NAALADL2: variants seen among roughly 807,000 people sequenced by gnomAD.
NAALADL2 encodes the protein inactive N-acetylated-alpha-linked acidic dipeptidase-like protein 2.
A neutral mutation model predicts 87.2 loss-of-function variants in NAALADL2; 76 were observed. The ratio of observed to expected loss-of-function variants is 0.87; its 90% CI spans 0.72 to 1.05. The LOEUF (loss-of-function observed/expected upper bound fraction) is 1.05, where lower values mean the gene tolerates loss of function less well. Among genes scored for constraint, NAALADL2 ranks in the 50% least tolerant of loss-of-function variants. The probability of loss-of-function intolerance (pLI) is 0.00; values close to 1 mark genes in which losing one functional copy is unlikely to be tolerated. For synonymous variants in NAALADL2, 354 were observed against 331.0 expected (o/e 1.07, Z -0.75); for missense variants, 1,089 against 945.8 (o/e 1.15, Z -1.99).
chr3:175,623,396 G>C (rs1010503595), intron 10 of NAALADL2, among the ~76,000 whole-genome samples: 10 of 152,130 alleles, frequency 6.6e-5, no homozygotes, highest in Non-Finnish European at 8.8e-5. Flanking sequence ...AAAATCTTGA[G>C]GTCTGCTCTT....
Position 175,282,364 on chromosome 3 carries a change from A to G in NAALADL2, c.939+25834A>G, listed in dbSNP as rs537879384. Among the ~76,000 whole-genome samples, 42 of 152,220 alleles carry G rather than the reference A, an allele frequency of 2.8e-4. No homozygotes were observed. The South Asian group carries it at 5.2e-3, about 19-fold the overall frequency. On this transcript the variant is annotated intron_variant, in intron 4 of 13. Transcript: ENST00000454872. ...CTTTGTCTGCTTTAAAGAACACTTA[A>G]CAGACTACAGCTATATAGGTGTTCT...
intron 1 of NAALADL2, among the ~76,000 whole-genome samples, chr3:174,494,761 G>A (rs114103460): frequency 0.04 from 6,104 of 152,214 alleles, 162 homozygotes; most frequent in Non-Finnish European, 0.06. Flanking sequence ...ATTATTCATT[G>A]GATGTTTTAG....
chr3:174,952,242 T>G (rs148274460), intron 1 of NAALADL2, among the ~76,000 whole-genome samples: 24 of 152,296 alleles, frequency 1.6e-4, no homozygotes, highest in Admixed American at 4.6e-4. Flanking sequence ...AAGTAGGTTG[T>G]CTTATATTTT....
chr3:174,933,220 A>G (rs1326027251), intron 1 of NAALADL2, among the ~76,000 whole-genome samples: 2 of 152,230 alleles, frequency 1.3e-5, no homozygotes, highest in Non-Finnish European at 2.9e-5. Flanking sequence ...TGAATAATAA[A>G]GTAGCTTCTC....
chr3:174,825,099 G>A (rs2109345270), intron 3 of NAALADL2, among the ~76,000 whole-genome samples: 1 of 152,170 alleles, frequency 6.6e-6, no homozygotes, highest in East Asian at 1.9e-4. Flanking sequence ...TTATTTTCCA[G>A]AAAAATAGAA....
At chr3:175,068,235 T>A (rs1714913867) in intron 1 of NAALADL2, among the ~76,000 whole-genome samples, 1 of 152,062 alleles carries the variant, frequency 6.6e-6, no homozygotes, top group African/African-American at 2.4e-5. Context: ...TACCCCTGAA[T>A]CTAAAAGAAA....
At chr3:175,076,970 C>T (rs1716723532) in intron 1 of NAALADL2, among the ~76,000 whole-genome samples, 1 of 152,110 alleles carries the variant, frequency 6.6e-6, no homozygotes, top group Non-Finnish European at 1.5e-5. Context: ...TACATAATAA[C>T]ATATGATGAC....
chr3:175,618,027 T>C (rs1368459553), intron 10 of NAALADL2, among the ~76,000 whole-genome samples: 2 of 152,188 alleles, frequency 1.3e-5, no homozygotes, highest in African/African-American at 2.4e-5. Flanking sequence ...CTTGGCACTA[T>C]ATGAGATAAA....
chr3:175,698,435 A>T (rs188925619), intron 11 of NAALADL2, among the ~76,000 whole-genome samples: 2,050 of 129,956 alleles, frequency 0.016, 309 homozygotes, highest in Non-Finnish European at 0.024. Flanking sequence ...GTATGTGTAT[A>T]TATTTATGTA....
At chr3:174,768,968 G>A (rs1206445273) in intron 3 of NAALADL2, among the ~76,000 whole-genome samples, 1 of 151,472 alleles carries the variant, frequency 6.6e-6, no homozygotes, top group Non-Finnish European at 1.5e-5. Flanking sequence ...TTATCGCTAT[G>A]GGTTGCTTTT....
chr3:175,407,748 T>C (rs746279069), intron 5 of NAALADL2, among the ~76,000 whole-genome samples: 1 of 152,168 alleles, frequency 6.6e-6, no homozygotes, highest in Non-Finnish European at 1.5e-5. Context: ...TCAGGATGCA[T>C]GAAACTGGGT....
intron 3 of NAALADL2, among the ~76,000 whole-genome samples, chr3:174,762,183 G>A (rs945164184): frequency 2.0e-5 from 3 of 148,136 alleles, no homozygotes; most frequent in Admixed American, 6.8e-5. Flanking sequence ...CTTTTGAGAC[G>A]GAGTCTCGCT....
chr3:175,182,017 A>G (rs34237918), intron 2 of NAALADL2, among the ~76,000 whole-genome samples: 102,330 of 151,452 alleles, frequency 0.68, 36,390 homozygotes, highest in Non-Finnish European at 0.79. Flanking sequence ...ATTCCCACCA[A>G]AAATGTACAA....
intron 11 of NAALADL2, among the ~76,000 whole-genome samples, chr3:175,710,791 G>T (rs1484686683): frequency 1.3e-5 from 2 of 151,492 alleles, no homozygotes; most frequent in South Asian, 2.1e-4. Context: ...GCATTCTTTT[G>T]TACCCTCACC....
intron 3 of NAALADL2, among the ~76,000 whole-genome samples, chr3:174,777,395 A>C (rs1416431070): frequency 6.6e-6 from 1 of 152,148 alleles, no homozygotes; most frequent in Admixed American, 6.6e-5. Flanking sequence ...AAAAGTTTGA[A>C]AATATTTTAA....
chr3:175,196,822 C>A (rs565577971), intron 2 of NAALADL2, among the ~76,000 whole-genome samples: 4 of 151,844 alleles, frequency 2.6e-5, no homozygotes, highest in East Asian at 1.9e-4. Flanking sequence ...AAATTGAAAG[C>A]AATCACAGCT....
chr3:174,727,280 T>TA (rs34713382), intron 2 of NAALADL2, among the ~76,000 whole-genome samples: 77 of 146,644 alleles, frequency 5.3e-4, no homozygotes, highest in Non-Finnish European at 7.4e-4. Flanking sequence ...TTCCACTTTC[T>TA]AAAAAAAAAA....
intron 2 of NAALADL2, among the ~76,000 whole-genome samples, chr3:175,225,080 T>C (rs989654100): frequency 6.6e-6 from 1 of 152,194 alleles, no homozygotes; most frequent in African/African-American, 2.4e-5. Flanking sequence ...AAAAATAACA[T>C]GTAAGTTCTT....
At chr3:175,111,725 A>G (rs1038475191) in intron 2 of NAALADL2, among the ~76,000 whole-genome samples, 2 of 151,668 alleles carry the variant, frequency 1.3e-5, no homozygotes, top group Admixed American at 6.6e-5. Context: ...ACTTGATCCA[A>G]TGCTGCTGCC....
Sources: gnomAD v4.1 joint callset for allele counts (sites outside exome capture counted in the v4.1 genomes callset) on GRCh38, gnomAD v4.1.1 for gene constraint, MANE v1.5 for transcripts, NCBI Gene and HGNC (gene_info 2026-07-23, HGNC 2026-07-21) for gene names.